Variants in GMPR observed in about 807,000 individuals in gnomAD.
GMPR encodes the protein guanosine monophosphate reductase, also known as GMP reductase 1.
In GMPR, 31 loss-of-function variants were observed where a neutral mutation model predicts 38.4. The ratio of observed to expected loss-of-function variants is 0.81; its 90% confidence interval spans 0.61 to 1.09. GMPR has a LOEUF of 1.09. Among genes scored for constraint, GMPR ranks in the 50% least tolerant of loss-of-function variants. The pLI, the probability that GMPR is intolerant of heterozygous loss-of-function variation, is 0.00. For missense variants in GMPR, 468 were observed against 453.7 expected, an observed-to-expected ratio of 1.03 and a Z score of -0.29; for synonymous variants, 162 against 173.3, an observed-to-expected ratio of 0.93 and a Z score of 0.51.
chr6:16,239,622 G>C (rs1465209345), intron 1 of GMPR, among the ~76,000 whole-genome samples: 2 of 152,244 alleles, frequency 1.3e-5, no homozygotes, highest in Admixed American at 6.5e-5. Flanking sequence ...AACCGGACAC[G>C]GTTGAAGGCT....
Position 16,278,842 on chromosome 6 carries a change from C to T in GMPR, c.606C>T (p.Val202=). 6.2e-7 allele frequency: 1 copy of T among 1,614,050 alleles called. No homozygotes were observed. Among genetic ancestry groups the T allele is most frequent in the South Asian group, 1.1e-5 (1 of 91,070 alleles). Residue 202 remains valine (V), a synonymous_variant, in exon 6 of 9, where the codon GTC becomes GTT. Transcript: ENST00000259727. ...TGVGYPQLSA[V]IECADSAHGL... ...TGGGGTACCCCCAGCTGAGTGCCGTCATTGAGTGTGCCGACTCTGCCCATG... is the reference window on the plus strand; with the variant it reads ...TGGGGTACCCCCAGCTGAGTGCCGTTATTGAGTGTGCCGACTCTGCCCATG...
intron 6 of GMPR, among the ~76,000 whole-genome samples, chr6:16,279,548 T>G (rs1263826374): frequency 6.6e-6 from 1 of 152,188 alleles, no homozygotes; most frequent in East Asian, 1.9e-4. Flanking sequence ...GGGACCCAGT[T>G]CAACCCATAA....
At chr6:16,293,384 C>T (rs1051238806) in intron 8 of GMPR, among the ~76,000 whole-genome samples, 3 of 152,214 alleles carry the variant, frequency 2.0e-5, no homozygotes, top group African/African-American at 7.2e-5. Context: ...TCACGGAGTG[C>T]TGAGCCCTGA....
chr6:16,268,510 C>G (rs1759314638), intron 4 of GMPR, among the ~76,000 whole-genome samples: 1 of 152,176 alleles, frequency 6.6e-6, no homozygotes, highest in South Asian at 2.1e-4. Context: ...AACTCCTGAC[C>G]TCAGGTGATA....
At chr6:16,260,968 G>A (rs1042364598) in intron 4 of GMPR, among the ~76,000 whole-genome samples, 6 of 152,004 alleles carry the variant, frequency 3.9e-5, no homozygotes, top group African/African-American at 1.4e-4. Flanking sequence ...ATATGCGTCA[G>A]GTATGAGGAA....
At chr6:16,278,649 T>G in intron 5 of GMPR, 135 bp from the exon 6 acceptor site, 1 of 712,886 alleles carries the variant, frequency 1.4e-6, no homozygotes, top group Non-Finnish European at 2.5e-6. Flanking sequence ...GGCAGCCTGT[T>G]CCCCACATCT....
At chr6:16,259,886 T>C (rs1759047900) in intron 4 of GMPR, among the ~76,000 whole-genome samples, 1 of 152,148 alleles carries the variant, frequency 6.6e-6, no homozygotes, top group Non-Finnish European at 1.5e-5. Flanking sequence ...TCAGCTGTGA[T>C]GGCTTGGAGA....
At chr6:16,257,231 A>G (rs1229372426) in intron 4 of GMPR, among the ~76,000 whole-genome samples, 3 of 151,946 alleles carry the variant, frequency 2.0e-5, no homozygotes, top group Non-Finnish European at 2.9e-5. Context: ...ACACGTCTAC[A>G]TGCCTGGAGG....
At chr6:16,258,585 C>G (rs1581651712) in intron 4 of GMPR, among the ~76,000 whole-genome samples, 1 of 152,350 alleles carries the variant, frequency 6.6e-6, no homozygotes, top group East Asian at 1.9e-4. Context: ...GGCTGGCTGG[C>G]CCAGGGGTAT....
chr6:16,248,566 C>T (rs546854160), intron 2 of GMPR, among the ~76,000 whole-genome samples: 23 of 152,144 alleles, frequency 1.5e-4, no homozygotes, highest in African/African-American at 4.8e-4. Flanking sequence ...GCCAGTGATT[C>T]GACGGAAAAT....
Position 16,295,228 on chromosome 6 carries a change from A to C in GMPR, c.*42A>C. 2 of 1,424,342 alleles carry C rather than the reference A, an allele frequency of 1.4e-6. No homozygotes were observed. The highest frequency in any genetic ancestry group is 1.9e-6 in the Non-Finnish European group (2 of 1,075,378). The allele number at this position is 1,424,342 out of a possible 1,614,324, so 88.2% of individuals were successfully genotyped here. A position where few individuals can be genotyped will look rare whatever the true frequency, so the allele number is the denominator to read the frequency against. ...GCGTCTGGCTCGAGTGGAAGCGTCC[A>C]AACCTGCTTTTCCCATCTCCCCCCA... On this transcript the variant is annotated 3_prime_UTR_variant, in exon 9 of 9. Coordinates refer to ENST00000259727, the MANE Select transcript of GMPR (RefSeq NM_006877.4).
chr6:16,264,171 C>A (rs1759145035), intron 4 of GMPR, among the ~76,000 whole-genome samples: 1 of 151,908 alleles, frequency 6.6e-6, no homozygotes. Flanking sequence ...GTGACCGGCG[C>A]CGGAGTTTTG....
At chr6:16,245,268 T>A (rs1251039656) in intron 1 of GMPR, among the ~76,000 whole-genome samples, 1 of 152,214 alleles carries the variant, frequency 6.6e-6, no homozygotes, top group Non-Finnish European at 1.5e-5. Context: ...CACTGATGGC[T>A]GTGTGAGGCC....
intron 4 of GMPR, among the ~76,000 whole-genome samples, chr6:16,265,344 C>T (rs1324138479): frequency 6.6e-6 from 1 of 152,166 alleles, no homozygotes; most frequent in Non-Finnish European, 1.5e-5. Flanking sequence ...CTCAGGGAGC[C>T]TTCTGAGGGT....
intron 4 of GMPR, among the ~76,000 whole-genome samples, chr6:16,266,654 AG>A: frequency 6.6e-6 from 1 of 151,782 alleles, no homozygotes; most frequent in Admixed American, 6.6e-5. Context: ...TACAAAAAAA[AG>A]AAAAAATTAG....
rs773843085 is a variant in GMPR, at chr6:16,250,337, C to G, written c.261C>G (p.Leu87=). The G allele has an allele frequency of 8.7e-6, 14 of 1,609,946 alleles. No individual in the cohort carries two copies. In the Admixed American group the frequency reaches 1.2e-4, roughly 13 times the overall value. Residue 87 remains leucine (L), a synonymous_variant, in exon 3 of 9, where the codon CTC becomes CTG. Coordinates refer to ENST00000259727, the MANE Select transcript of GMPR (RefSeq NM_006877.4). ...ATTACTCCCTGGATGACTGGAAGCT[C>G]TTTGCCACAAATCACCCAGAATGCC... The part of the protein sequence containing the change: ...HKHYSLDDWK[L]FATNHPECLQ...
At chr6:16,247,633 C>T (rs1333108335) in intron 2 of GMPR, among the ~76,000 whole-genome samples, 2 of 152,174 alleles carry the variant, frequency 1.3e-5, no homozygotes, top group Admixed American at 6.5e-5. Context: ...CCTTGGCCTA[C>T]CCAAGTGCTG....
chr6:16,281,317 C>T (rs1484485466), intron 6 of GMPR, among the ~76,000 whole-genome samples: 1 of 152,018 alleles, frequency 6.6e-6, no homozygotes, highest in African/African-American at 2.4e-5. Flanking sequence ...CATACGCTGG[C>T]GGGGTGAGTG....
intron 1 of GMPR, among the ~76,000 whole-genome samples, chr6:16,241,361 C>G (rs1758645447): frequency 6.6e-6 from 1 of 152,188 alleles, no homozygotes; most frequent in Admixed American, 6.5e-5. Flanking sequence ...TGATCTCCCC[C>G]TCAGAAGCTT....
Sources: allele counts gnomAD v4.1 joint callset (sites outside exome capture counted in the v4.1 genomes callset), GRCh38; gene constraint gnomAD v4.1.1; transcripts MANE v1.5; gene names NCBI Gene and HGNC (gene_info 2026-07-23, HGNC 2026-07-21).